Variants in DIS3L2 observed in about 807,000 individuals in gnomAD.
DIS3L2 encodes DIS3-like exonuclease 2.
Under a neutral mutation model 97.5 loss-of-function variants are expected in DIS3L2, and 34 were observed. The ratio of observed to expected loss-of-function variants is 0.35; its 90% CI spans 0.27 to 0.46. The LOEUF is 0.46. Ranked by LOEUF, DIS3L2 falls within the 20% of genes least tolerant of loss-of-function variation. DIS3L2 has a pLI of 1.00. For missense variants in DIS3L2, 1,038 were observed against 1,146.0 expected, an observed-to-expected ratio of 0.91 and a Z score of 1.36; for synonymous variants, 435 against 445.2, an observed-to-expected ratio of 0.98 and a Z score of 0.29.
intron 5 of DIS3L2, among the ~76,000 whole-genome samples, chr2:232,061,677 T>C (rs1695710982): frequency 6.6e-6 from 1 of 152,228 alleles, no homozygotes; most frequent in African/African-American, 2.4e-5. Context: ...TCTATTGTAT[T>C]ACTTCTGACC....
chr2:232,132,282 T>C (rs796108319), intron 7 of DIS3L2, among the ~76,000 whole-genome samples: 4 of 152,310 alleles, frequency 2.6e-5, no homozygotes, highest in African/African-American at 9.6e-5. Flanking sequence ...TCCATGACAA[T>C]TAACATTATA....
At chr2:232,146,043 G>T (rs964935534) in intron 8 of DIS3L2, among the ~76,000 whole-genome samples, 4 of 152,166 alleles carry the variant, frequency 2.6e-5, no homozygotes, top group Admixed American at 2.6e-4. Context: ...AGACAGGGAT[G>T]GCTTCCTGGC....
rs11680221 is a variant in DIS3L2 at position 232,254,619 on chromosome 2, A to G, written c.1425+5273A>G. Among the ~76,000 whole-genome samples the G allele has an allele frequency of 2.8e-3, 430 of 152,328 alleles. 1 individual carries two copies. The highest frequency in any genetic ancestry group is 4.7e-3 in the Non-Finnish European group (318 of 68,030). ...CAACAGAAAAGAACTTTGAGTCTGA[A>G]TTTTGCCTGCCAAAGTCAGACCCAA... On this transcript the variant is annotated intron_variant, in intron 12 of 20. Transcript: ENST00000325385.
chr2:232,190,904 G>A (rs969800010), intron 9 of DIS3L2, among the ~76,000 whole-genome samples: 1 of 152,176 alleles, frequency 6.6e-6, no homozygotes, highest in Non-Finnish European at 1.5e-5. Context: ...AAAGACAAAG[G>A]CAAAGTTGGT....
At chr2:232,027,302 A>G (rs1381690166) in intron 4 of DIS3L2, among the ~76,000 whole-genome samples, 2 of 152,174 alleles carry the variant, frequency 1.3e-5, no homozygotes, top group Non-Finnish European at 2.9e-5. Flanking sequence ...TTTATGACAT[A>G]TAAAATGTAT....
intron 9 of DIS3L2, among the ~76,000 whole-genome samples, chr2:232,174,011 A>G (rs1296443520): frequency 7.9e-5 from 12 of 152,150 alleles, no homozygotes; most frequent in Admixed American, 6.5e-4. Flanking sequence ...CTGAGTCTGT[A>G]GATCAGTTTG....
rs962121595 is a variant in DIS3L2, at chr2:232,292,560, G to A, written c.1660-7480G>A. The stretch of plus-strand genomic sequence containing the variant: ...TCCCTTCAACTCATCCAGGCTCCTA[G>A]AGCTCACCCACGCGATTCTCTTAAG... On this transcript the variant is annotated intron_variant, in intron 13 of 20. Transcript: ENST00000325385. This position sits in a 1 kb window ranked among gnomAD's most constrained non-coding sequence, Gnocchi z 4.4. Among the ~76,000 whole-genome samples the A allele has an allele frequency of 2.6e-5, 4 of 152,226 alleles. No homozygotes were observed. Among genetic ancestry groups the A allele is most frequent in the African/African-American group, 9.6e-5 (4 of 41,462 alleles).
rs931436403 is a variant in DIS3L2, at chr2:232,090,655, G to A, written c.601+2934G>A. ...TTATTGAAACAAACCATAACCTTGA[G>A]AATATCAAACTTTTCCTAAGACTTC... On this transcript the variant is annotated intron_variant, in intron 6 of 20. Transcript: ENST00000325385. Among the ~76,000 whole-genome samples, 642 of 152,278 alleles carry A rather than the reference G, an allele frequency of 4.2e-3. 7 individuals carry two copies. Among genetic ancestry groups the A allele is most frequent in the African/African-American group, 0.015 (611 of 41,554 alleles).
intron 14 of DIS3L2, among the ~76,000 whole-genome samples, chr2:232,317,395 T>A (rs898109590): frequency 6.6e-6 from 1 of 152,122 alleles, no homozygotes; most frequent in Non-Finnish European, 1.5e-5. Context: ...TGCTCTTTTT[T>A]CCTCTCATGT....
At chr2:232,287,405 C>T (rs1694475089) in intron 13 of DIS3L2, among the ~76,000 whole-genome samples, 1 of 81,198 alleles carries the variant, frequency 1.2e-5, no homozygotes, top group Non-Finnish European at 2.4e-5. Flanking sequence ...CCCCCCCCCG[C>T]TTTTATTACA....
intron 9 of DIS3L2, among the ~76,000 whole-genome samples, chr2:232,201,383 C>T (rs549112234): frequency 7.9e-5 from 12 of 152,302 alleles, no homozygotes; most frequent in African/African-American, 2.9e-4. Flanking sequence ...CTGTCTATCC[C>T]TTTCTTCCTC....
intron 5 of DIS3L2, among the ~76,000 whole-genome samples, chr2:232,057,771 T>C (rs549008265): frequency 6.6e-6 from 1 of 152,334 alleles, no homozygotes; most frequent in Admixed American, 6.5e-5. Context: ...TGTCTTGTTT[T>C]AAACTGCTAA....
chr2:232,289,242 G>T (rs1002966346), intron 13 of DIS3L2, among the ~76,000 whole-genome samples: 8 of 150,700 alleles, frequency 5.3e-5, no homozygotes, highest in East Asian at 3.9e-4. Context: ...AGAGTTTTTT[G>T]TTTTTTGTTT....
chr2:232,041,280 A>G (rs1329963995), intron 5 of DIS3L2, among the ~76,000 whole-genome samples: 2 of 152,232 alleles, frequency 1.3e-5, no homozygotes, highest in East Asian at 1.9e-4. Context: ...CCTAGATGCC[A>G]TTCCTGACTC....
At chr2:232,230,115 T>G (rs1341247751) in intron 10 of DIS3L2, among the ~76,000 whole-genome samples, 1 of 152,182 alleles carries the variant, frequency 6.6e-6, no homozygotes, top group Non-Finnish European at 1.5e-5. Flanking sequence ...AGCTTTTGTG[T>G]AAGATTACAT....
At chr2:232,029,240 A>G (rs1304510361) in intron 4 of DIS3L2, among the ~76,000 whole-genome samples, 1 of 152,224 alleles carries the variant, frequency 6.6e-6, no homozygotes, top group Non-Finnish European at 1.5e-5. Context: ...GAATAGAAGG[A>G]TAAGAGTACA....
At chr2:232,024,202 A>G (rs936747278) in intron 3 of DIS3L2, 75 bp from the exon 4 acceptor site, 3 of 1,112,664 alleles carry the variant, frequency 2.7e-6, no homozygotes, top group African/African-American at 3.2e-5. Context: ...AAAACTTTTT[A>G]TTGGAGAATA....
At chr2:232,322,398 G>A (rs2106340610) in intron 14 of DIS3L2, among the ~76,000 whole-genome samples, 1 of 152,332 alleles carries the variant, frequency 6.6e-6, no homozygotes, top group Middle Eastern at 3.4e-3. Context: ...GCCACACTGT[G>A]GCATGGGACC....
At chr2:232,291,533 C>T (rs996249474) in intron 13 of DIS3L2, among the ~76,000 whole-genome samples, 19 of 152,230 alleles carry the variant, frequency 1.2e-4, no homozygotes, top group Non-Finnish European at 2.2e-4. Context: ...CTTCCCAGGC[C>T]GGCCTTGACC....
Sources: gnomAD v4.1 joint callset for allele counts (sites outside exome capture counted in the v4.1 genomes callset) on GRCh38, gnomAD v4.1.1 for gene constraint, Gnocchi (gnomAD v3.1) non-coding constraint, MANE v1.5 for transcripts, NCBI Gene and HGNC (gene_info 2026-07-23, HGNC 2026-07-21) for gene names.